BPIFA3: variants seen among roughly 807,000 people sequenced by gnomAD.
BPIFA3 encodes BPI fold-containing family A member 3.
A neutral mutation model predicts 29.7 loss-of-function variants in BPIFA3; 32 were observed. The observed-to-expected ratio is 1.08, with a 90% confidence interval of 0.81 to 1.45. The LOEUF is 1.45. Among genes scored for constraint, BPIFA3 ranks in the 40% most tolerant of loss-of-function variants. BPIFA3 has a pLI of 0.00. For synonymous variants in BPIFA3, 112 were observed against 113.7 expected, an observed-to-expected ratio of 0.98 and a Z score of 0.10; for missense variants, 323 against 311.3, an observed-to-expected ratio of 1.04 and a Z score of -0.28.
chr20:33,218,083 G>A (rs1369684977), intron 1 of BPIFA3, among the ~76,000 whole-genome samples: 1 of 152,166 alleles, frequency 6.6e-6, no homozygotes, highest in Non-Finnish European at 1.5e-5. Flanking sequence ...GCACTATGCT[G>A]TTGACATCTA....
intron 4 of BPIFA3, 97 bp downstream of exon 4, chr20:33,225,344 G>A: frequency 6.5e-7 from 1 of 1,544,378 alleles, no homozygotes; most frequent in Non-Finnish European, 8.8e-7. Flanking sequence ...TTAGTCCAAA[G>A]CAGATCTCAT....
intron 1 of BPIFA3, among the ~76,000 whole-genome samples, chr20:33,222,156 C>T (rs1268957994): frequency 6.6e-6 from 1 of 152,228 alleles, no homozygotes; most frequent in East Asian, 1.9e-4. Flanking sequence ...AGAGATAGGA[C>T]AAGCTCCAGG....
chr20:33,218,672 A>G (rs1985371802), intron 1 of BPIFA3, among the ~76,000 whole-genome samples: 1 of 152,142 alleles, frequency 6.6e-6, no homozygotes, highest in Non-Finnish European at 1.5e-5. Context: ...CACCAATCCC[A>G]TCAGTTTAGG....
intron 5 of BPIFA3, 71 bp from the exon 6 acceptor site, chr20:33,226,859 C>T: frequency 1.3e-6 from 2 of 1,592,502 alleles, no homozygotes; most frequent in African/African-American, 1.3e-5. Context: ...GTTGAAGTTT[C>T]CTGCCACAGT....
chr20:33,220,188 G>C (rs1290071299), intron 1 of BPIFA3, among the ~76,000 whole-genome samples: 11 of 151,652 alleles, frequency 7.3e-5, no homozygotes, highest in Admixed American at 2.0e-4. Flanking sequence ...CACAAGGTCA[G>C]GAGATCGAGA....
Position 33,223,880 on chromosome 20 carries a change from T to C in BPIFA3, c.197T>C (p.Leu66Pro), listed in dbSNP as rs767047370. ...CAGAACATCCACTTTGGGGACAGAC[T>C]GAATGCCTCAGCACAAGTGGCCCCA... Reference protein sequence around the residue: ...RIQNIHFGDRLNASAQVAPGL... With the variant: ...RIQNIHFGDRPNASAQVAPGL... Residue 66 changes from leucine (L) to proline (P), a missense_variant, in exon 2 of 7, where the codon CTG (leucine) becomes CCG (proline). Coordinates refer to ENST00000375454, the MANE Select transcript of BPIFA3 (RefSeq NM_178466.5). The C allele has an allele frequency of 6.2e-7, 1 of 1,614,162 alleles. No individual in the cohort carries two copies. Among genetic ancestry groups the C allele is most frequent in the East Asian group, 2.2e-5 (1 of 44,880 alleles).
chr20:33,217,384 T>G lies in BPIFA3; in HGVS notation c.-153T>G. On this transcript the variant is annotated 5_prime_UTR_variant, in exon 1 of 7. Transcript: ENST00000375454. Reference sequence around the variant, plus strand: ...GCAAGCCCTGGTGGCAGCGCCAGGGTCCAGTGCAGCCCCTCCCCACAGCAT... The same window carrying G: ...GCAAGCCCTGGTGGCAGCGCCAGGGGCCAGTGCAGCCCCTCCCCACAGCAT... 1 of 952,524 alleles carries G rather than the reference T, an allele frequency of 1.0e-6. No homozygotes were observed. The highest frequency in any genetic ancestry group is 1.9e-5 in the South Asian group (1 of 53,820). The allele number at this position is 952,524 out of a possible 1,614,324, so 59.0% of individuals were successfully genotyped here.
At chr20:33,226,651 C>T (rs1443656373) in intron 5 of BPIFA3, among the ~76,000 whole-genome samples, 161 bp downstream of exon 5, 5 of 152,146 alleles carry the variant, frequency 3.3e-5, no homozygotes, top group African/African-American at 1.2e-4. Flanking sequence ...CCAGCCTATC[C>T]TTGAGCAAGA....
chr20:33,223,571 C>G, intron 1 of BPIFA3: 1 of 436,948 alleles, frequency 2.3e-6, no homozygotes. Context: ...CAGAATACCC[C>G]ACTTTGAGCA....
chr20:33,227,424 G>T (rs180671901), intron 6 of BPIFA3, 114 bp from the exon 7 acceptor site: 2 of 851,322 alleles, frequency 2.3e-6, no homozygotes, highest in East Asian at 4.9e-5. Context: ...GGGTTTTCAC[G>T]TGAACGCTCC....
At chr20:33,218,051 G>T (rs1187330782) in intron 1 of BPIFA3, among the ~76,000 whole-genome samples, 1 of 152,150 alleles carries the variant, frequency 6.6e-6, no homozygotes, top group Non-Finnish European at 1.5e-5. Context: ...TACATAAATT[G>T]TATAGTGTTG....
intron 1 of BPIFA3, among the ~76,000 whole-genome samples, chr20:33,222,633 T>TG (rs1985578733): frequency 7.9e-6 from 1 of 126,364 alleles, no homozygotes; most frequent in African/African-American, 4.7e-5. Flanking sequence ...GATGAGCGGA[T>TG]GAATGGATGG....
chr20:33,225,296 G>T lies in BPIFA3; in HGVS notation c.536+49G>T, dbSNP rs528433568. 2.4e-5 allele frequency: 38 copies of T among 1,609,826 alleles called. No homozygotes were observed. In the Middle Eastern group the frequency reaches 6.4e-4, roughly 27 times the overall value. ...CAGAGCTGGGCCTCCTTCCTGATGA[G>T]CCCCAGCTGCAGGGTCACTTCCTGA... On this transcript the variant is annotated intron_variant, in intron 4 of 6. Transcript: ENST00000375454.
At chr20:33,223,144 G>A (rs981694231) in intron 1 of BPIFA3, among the ~76,000 whole-genome samples, 3 of 152,172 alleles carry the variant, frequency 2.0e-5, no homozygotes, top group Admixed American at 6.5e-5. Context: ...TGCTGTCTTG[G>A]AGGAGGGGGA....
intron 5 of BPIFA3, 74 bp downstream of exon 5, chr20:33,226,564 T>C (rs1489577563): frequency 3.1e-6 from 3 of 955,398 alleles, no homozygotes; most frequent in Non-Finnish European, 1.6e-6. Flanking sequence ...ACTGGCAATT[T>C]AGCAAAGGAT....
Position 33,227,655 on chromosome 20 carries a change from C to T in BPIFA3, c.*38C>T. The T allele has an allele frequency of 1.9e-6, 3 of 1,564,142 alleles. No homozygotes were observed. Among genetic ancestry groups the T allele is most frequent in the Non-Finnish European group, 2.6e-6 (3 of 1,134,998 alleles). ...AGAAGGAAAGTCCACATCTTGCAAC[C>T]TTAAGTCTCCCTTAGAGTGGGGCTT... On this transcript the variant is annotated 3_prime_UTR_variant, in exon 7 of 7. Transcript: ENST00000375454.
At chr20:33,221,135 T>C (rs1039569767) in intron 1 of BPIFA3, among the ~76,000 whole-genome samples, 4 of 150,266 alleles carry the variant, frequency 2.7e-5, no homozygotes, top group Non-Finnish European at 4.4e-5. Flanking sequence ...AAAGTTTTTA[T>C]GATGTACTGT....
rs754230263 is a variant in BPIFA3, at chr20:33,223,883, A to G, written c.200A>G (p.Asn67Ser). The stretch of plus-strand genomic sequence containing the variant: ...AACATCCACTTTGGGGACAGACTGA[A>G]TGCCTCAGCACAAGTGGCCCCAGGG... ...IQNIHFGDRL[N>S]ASAQVAPGLV... The change falls in exon 2 of 7, where the codon AAT (asparagine) becomes AGT (serine). Residue 67 changes from asparagine (N) to serine (S), a missense_variant. Physicochemically the swap from Asn to Ser is conservative, Grantham distance 46 (BLOSUM62 1). Transcript: ENST00000375454. 2 of 1,614,214 alleles carry G rather than the reference A, an allele frequency of 1.2e-6. No homozygotes were observed. Among genetic ancestry groups the G allele is most frequent in the Admixed American group, 1.7e-5 (1 of 60,020 alleles).
intron 1 of BPIFA3, 129 bp downstream of exon 1, chr20:33,217,792 A>G (rs534873817): frequency 1.7e-6 from 2 of 1,189,526 alleles, no homozygotes; most frequent in South Asian, 1.7e-5. Flanking sequence ...TTTTTCTTAG[A>G]CCTCAAGTAC....
Sources: gnomAD v4.1 joint callset for allele counts (sites outside exome capture counted in the v4.1 genomes callset) on GRCh38, gnomAD v4.1.1 for gene constraint, MANE v1.5 for transcripts, NCBI Gene and HGNC (gene_info 2026-07-23, HGNC 2026-07-21) for gene names.